The following PTPRT variants were observed in gnomAD, a reference collection of about 807,000 sequenced individuals.
PTPRT encodes receptor-type tyrosine-protein phosphatase T.
Under a neutral mutation model 176.8 loss-of-function variants are expected in PTPRT, and 56 were observed. The observed-to-expected ratio is 0.32, with a 90% CI of 0.26 to 0.40. PTPRT has a LOEUF of 0.40. Among genes scored for constraint, PTPRT ranks in the 10% least tolerant of loss-of-function variants. The pLI, the probability that PTPRT is intolerant of heterozygous loss-of-function variation, is 1.00. For synonymous variants in PTPRT, 783 were observed against 739.0 expected (o/e 1.06, Z -0.96); for missense variants, 1,540 against 1,908.2 (o/e 0.81, Z 3.60).
At chr20:42,896,630 C>T (rs208205) in intron 1 of PTPRT, among the ~76,000 whole-genome samples, 5,963 of 141,360 alleles carry the variant, frequency 0.042, 338 homozygotes, top group African/African-American at 0.13. Context: ...AGCACAACTC[C>T]GTCTCAAAAA....
chr20:42,998,472 T>A (rs893107707), intron 1 of PTPRT, among the ~76,000 whole-genome samples: 5 of 152,136 alleles, frequency 3.3e-5, no homozygotes, highest in Admixed American at 6.5e-5. Context: ...ATTGGAGTGA[T>A]GAGAAGAAGC....
intron 1 of PTPRT, among the ~76,000 whole-genome samples, chr20:42,942,902 CATAA>C (rs1298848548): frequency 6.6e-6 from 1 of 152,138 alleles, no homozygotes; most frequent in Non-Finnish European, 1.5e-5. Context: ...GTCAGGACTC[CATAA>C]ATACTCATTG....
intron 1 of PTPRT, among the ~76,000 whole-genome samples, chr20:43,095,264 C>T (rs982376183): frequency 2.0e-5 from 3 of 152,106 alleles, no homozygotes; most frequent in Admixed American, 2.0e-4. Flanking sequence ...AGTGATACCT[C>T]GTACTTTCAC....
intron 7 of PTPRT, among the ~76,000 whole-genome samples, chr20:42,515,062 G>A (rs1037158986): frequency 1.3e-5 from 2 of 152,112 alleles, no homozygotes; most frequent in East Asian, 1.9e-4. Context: ...AATTGCCATC[G>A]GATCTATAGA....
chr20:42,898,689 A>G (rs1011447166), intron 1 of PTPRT, among the ~76,000 whole-genome samples: 2 of 152,152 alleles, frequency 1.3e-5, no homozygotes, highest in African/African-American at 2.4e-5. Context: ...ACATTATGAA[A>G]AAAGAACATC....
intron 6 of PTPRT, among the ~76,000 whole-genome samples, chr20:42,705,829 A>T (rs2076046029): frequency 6.6e-6 from 1 of 152,184 alleles, no homozygotes; most frequent in Non-Finnish European, 1.5e-5. Context: ...TCAGGGAATA[A>T]CTGTAGTTGT....
chr20:43,038,366 TTA>T (rs1986468926), intron 1 of PTPRT, among the ~76,000 whole-genome samples: 7 of 152,188 alleles, frequency 4.6e-5, no homozygotes, highest in Admixed American at 4.6e-4. Context: ...ATTTAGAAAT[TTA>T]GTCATACAAT....
intron 2 of PTPRT, among the ~76,000 whole-genome samples, chr20:42,854,316 G>A (rs976362345): frequency 2.0e-5 from 3 of 152,194 alleles, no homozygotes; most frequent in African/African-American, 7.2e-5. Context: ...TATCCTTGAA[G>A]CACACATCCT....
rs551689370 is a variant in PTPRT at position 42,807,953 on chromosome 20, C to T, written c.215-16487G>A. On this transcript the variant is annotated intron_variant, in intron 2 of 30. Coordinates refer to ENST00000373187, the MANE Select transcript of PTPRT (RefSeq NM_007050.6). ...CTCTCTTTAAAGAAACTTGTCTCCC[C>T]AGCTGCCAGGGCACTTAGGCACACA... is the stretch of plus-strand genomic sequence containing the variant. Among the ~76,000 whole-genome samples, 52 of 152,308 alleles carry T rather than the reference C, an allele frequency of 3.4e-4. 3 individuals are homozygous for T. In the South Asian group the frequency reaches 0.011, roughly 32 times the overall value.
chr20:42,182,949 C>A, intron 16 of PTPRT, among the ~76,000 whole-genome samples: 1 of 109,822 alleles, frequency 9.1e-6, no homozygotes, highest in Non-Finnish European at 2.1e-5. Context: ...TGTGTGTAAT[C>A]AGATTTCCAT....
Position 42,963,399 on chromosome 20 carries a change from A to G in PTPRT, c.89-77467T>C, listed in dbSNP as rs1322489819. On this transcript the variant is annotated intron_variant, in intron 1 of 30. Coordinates refer to ENST00000373187, the MANE Select transcript of PTPRT (RefSeq NM_007050.6). ...ATTTGGTCTCAAAAAAGAAATAAAT[A>G]AATATATAAAAATAAAAATAAAAAA... is the stretch of plus-strand genomic sequence containing the variant. Among the ~76,000 whole-genome samples the G allele has an allele frequency of 5.3e-5, 8 of 151,300 alleles. No homozygotes were observed. The East Asian group carries it at 1.5e-3, about 29-fold the overall frequency.
At chr20:43,158,333 T>C (rs116727683) in intron 1 of PTPRT, among the ~76,000 whole-genome samples, 2,459 of 152,284 alleles carry the variant, frequency 0.016, 63 homozygotes, top group African/African-American at 0.057. Context: ...AGTTCAATTC[T>C]GGACAAGTTC....
intron 9 of PTPRT, among the ~76,000 whole-genome samples, chr20:42,439,646 G>A (rs1186664256): frequency 2.0e-5 from 3 of 152,174 alleles, no homozygotes; most frequent in Admixed American, 6.5e-5. Flanking sequence ...AAGGTGTTTA[G>A]CTAGGATTAC....
intron 2 of PTPRT, among the ~76,000 whole-genome samples, chr20:42,861,033 C>T (rs1231927019): frequency 6.6e-6 from 1 of 152,218 alleles, no homozygotes; most frequent in African/African-American, 2.4e-5. Flanking sequence ...CCAACCTAGA[C>T]ATAGTGGTCT....
intron 7 of PTPRT, among the ~76,000 whole-genome samples, chr20:42,670,763 G>T (rs776942392): frequency 1.3e-5 from 2 of 152,182 alleles, no homozygotes; most frequent in East Asian, 3.9e-4. Flanking sequence ...CTAAGATTAC[G>T]TGACTTGCTG....
chr20:42,170,519 T>C (rs1990033264), intron 16 of PTPRT, among the ~76,000 whole-genome samples: 1 of 152,070 alleles, frequency 6.6e-6, no homozygotes, highest in South Asian at 2.1e-4. Flanking sequence ...TAAGAAACAA[T>C]TGTAAAGAAA....
At position 42,904,690 on chromosome 20, in the gene PTPRT, C is replaced by T. The variant is rs148385758; in HGVS notation, c.89-18758G>A. Among the ~76,000 whole-genome samples the T allele has an allele frequency of 7.3e-3, 1,105 of 152,150 alleles. 10 individuals carry two copies. The highest frequency in any genetic ancestry group is 0.026 in the African/African-American group (1,060 of 41,500). ...GTTTTCATGCCCAAATGTTGCACTT[C>T]CCAAGACCACCCTGGCCCACCACAC... On this transcript the variant is annotated intron_variant, in intron 1 of 30. Coordinates refer to ENST00000373187, the MANE Select transcript of PTPRT (RefSeq NM_007050.6).
intron 12 of PTPRT, among the ~76,000 whole-genome samples, chr20:42,307,663 A>G (rs941112968): frequency 1.3e-5 from 2 of 152,196 alleles, no homozygotes; most frequent in South Asian, 2.1e-4. Context: ...AAAAGATAAG[A>G]TCAATTGTGC....
intron 1 of PTPRT, among the ~76,000 whole-genome samples, chr20:43,119,839 C>T (rs988327869): frequency 6.6e-6 from 1 of 152,160 alleles, no homozygotes; most frequent in South Asian, 2.1e-4. Flanking sequence ...TGTTAAGTGG[C>T]ATCATATAAA....
Sources: allele counts gnomAD v4.1 joint callset (sites outside exome capture counted in the v4.1 genomes callset), GRCh38; gene constraint gnomAD v4.1.1; transcripts MANE v1.5; gene names NCBI Gene and HGNC (gene_info 2026-07-23, HGNC 2026-07-21).